The following DNAH1 variants were observed in gnomAD, a reference collection of about 807,000 sequenced individuals.
DNAH1 encodes the protein dynein axonemal heavy chain 1, also known as axonemal beta dynein heavy chain 1.
A neutral mutation model predicts 484.3 loss-of-function variants in DNAH1; 327 were observed. The ratio of observed to expected loss-of-function variants is 0.68; its 90% CI spans 0.62 to 0.74. The LOEUF is 0.74. DNAH1 is among the 30% of genes least tolerant of loss of function. The pLI is 0.00. For synonymous variants in DNAH1, 2,192 were observed against 2,191.9 expected, an observed-to-expected ratio of 1.00 and a Z score of 0.00; for missense variants, 5,052 against 5,546.8, an observed-to-expected ratio of 0.91 and a Z score of 2.83.
At chr3:52,328,977 C>T (rs991654202) in intron 6 of DNAH1, among the ~76,000 whole-genome samples, 3 of 152,228 alleles carry the variant, frequency 2.0e-5, no homozygotes, top group Admixed American at 6.5e-5. Context: ...GTCCATTGAG[C>T]AGGCTGTAAA....
At position 52,379,799 on chromosome 3, in the gene DNAH1, A is replaced by G. The variant is rs554907337; in HGVS notation, c.7378-106A>G. On this transcript the variant is annotated intron_variant, in intron 47 of 77. Coordinates refer to ENST00000420323, the MANE Select transcript of DNAH1 (RefSeq NM_015512.5). This position sits in a 1 kb window ranked among gnomAD's most constrained non-coding sequence, Gnocchi z 4.4. ...GGCCATGGTGGGAGAGCCAGGCTCC[A>G]GTCAGGGCCCCAGGAACTGGGGCCC... The G allele has an allele frequency of 1.1e-5, 11 of 980,438 alleles. No individual in the cohort carries two copies. The highest frequency in any genetic ancestry group is 1.7e-5 in the South Asian group (1 of 58,388). The allele number at this position is 980,438 out of a possible 1,614,324, so 60.7% of individuals were successfully genotyped here.
At position 52,350,103 on chromosome 3, in the gene DNAH1, C is replaced by G; in HGVS notation, c.2641C>G (p.Leu881Val). 6.2e-7 allele frequency: 1 copy of G among 1,611,120 alleles called. No homozygotes were observed. Among genetic ancestry groups the G allele is most frequent in the Non-Finnish European group, 8.5e-7 (1 of 1,179,304 alleles). ...GGGCATCCCGGAGAGGCTGGTGGGCCTGGAGGTGAGGCAGGCACACGGGCA... is the reference window on the plus strand; with the variant it reads ...GGGCATCCCGGAGAGGCTGGTGGGCGTGGAGGTGAGGCAGGCACACGGGCA... ...MKGIPERLVG[L>V]EERIVKVMDD... The change falls in exon 15 of 78, where the codon CTG becomes GTG. Residue 881 changes from leucine (L) to valine (V), a missense_variant. Transcript: ENST00000420323.
At chr3:52,375,106 TA>T (rs1703531059) in intron 44 of DNAH1, 133 bp from the exon 45 acceptor site, 2 of 1,066,706 alleles carry the variant, frequency 1.9e-6, no homozygotes, top group South Asian at 3.6e-5. Context: ...TTTTCCTGTG[TA>T]ATATTGATGT....
Position 52,369,863 on chromosome 3 carries a change from G to A in DNAH1, c.5982G>A (p.Val1994=), listed in dbSNP as rs766034921. 3.2e-5 allele frequency: 51 copies of A among 1,612,808 alleles called. No homozygotes were observed. Among genetic ancestry groups the A allele is most frequent in the Non-Finnish European group, 3.9e-5 (46 of 1,179,102 alleles). The change falls in exon 38 of 78, where the codon GTG becomes GTA. Residue 1994 remains valine, a synonymous_variant. Coordinates refer to ENST00000420323, the MANE Select transcript of DNAH1 (RefSeq NM_015512.5). ...TMMFEVQDLA[V]ASPATVSRCG... ...TGTTCGAGGTGCAAGACCTGGCGGT[G>A]GCTTCACCAGCTACAGTCTCCCGCT...
chr3:52,345,126 G>C (rs1702092307), intron 9 of DNAH1, among the ~76,000 whole-genome samples: 1 of 152,214 alleles, frequency 6.6e-6, no homozygotes, highest in Non-Finnish European at 1.5e-5. Flanking sequence ...GGCATTCCAA[G>C]AGGTTCTGGT....
chr3:52,374,023 G>A lies in DNAH1; in HGVS notation c.6985+970G>A, dbSNP rs184020562. On this transcript the variant is annotated intron_variant, in intron 44 of 77. Coordinates refer to ENST00000420323, the MANE Select transcript of DNAH1 (RefSeq NM_015512.5). ...CTGCAGATTTCCAATCTAATATAGC[G>A]AAGAAATATATTGATCAGAAGTTTG... 2.2e-4 allele frequency: 225 copies of A among 1,026,036 alleles called. No individual in the cohort carries two copies. In the African/African-American group the frequency reaches 2.5e-3, roughly 11 times the overall value. 63.6% of individuals were successfully genotyped at this position (1,026,036 alleles called of 1,614,324 possible).
At position 52,395,344 on chromosome 3, in the gene DNAH1, T is replaced by G. The variant is rs1472552080; in HGVS notation, c.11005T>G (p.Ser3669Ala). 1.2e-6 allele frequency: 2 copies of G among 1,613,744 alleles called. No homozygotes were observed. The highest frequency in any genetic ancestry group is 4.5e-5 in the East Asian group (2 of 44,880). Residue 3669 changes from serine to alanine, a missense_variant, in exon 69 of 78, where the codon TCC becomes GCC. Around this residue, in one of 4 missense-constraint regions of DNAH1, gnomAD observed 853 missense variants for 899.0 expected, o/e 0.95. Transcript: ENST00000420323. This position sits in a 1 kb window ranked among gnomAD's most constrained non-coding sequence, Gnocchi z 4.4. ...NLSVVFKDSN[S>A]TTPLIFVLSP... ...GTCAGTGGTGTTCAAAGACTCCAAC[T>G]CCACCACACCCCTCATCTTTGTGCT...
At chr3:52,356,223 CAG>C (rs1385040867) in intron 21 of DNAH1, among the ~76,000 whole-genome samples, 1 of 152,228 alleles carries the variant, frequency 6.6e-6, no homozygotes, top group Non-Finnish European at 1.5e-5. Context: ...CATTGAATCT[CAG>C]AGAATCCTGG....
Position 52,384,861 on chromosome 3 carries a change from A to C in DNAH1, c.8398A>C (p.Asn2800His), listed in dbSNP as rs1417883752. 1 of 1,612,690 alleles carries C rather than the reference A, an allele frequency of 6.2e-7. No individual in the cohort carries two copies. Among genetic ancestry groups the C allele is most frequent in the Non-Finnish European group, 8.5e-7 (1 of 1,179,376 alleles). Residue 2800 changes from asparagine (N) to histidine (H), a missense_variant, in exon 53 of 78, where the codon AAC (asparagine) becomes CAC (histidine). By Grantham distance (68) the Asn-to-His change is moderately conservative. Coordinates refer to ENST00000420323, the MANE Select transcript of DNAH1 (RefSeq NM_015512.5). The stretch of plus-strand genomic sequence containing the variant: ...GTACCTGGCAGAGCTGACCCGCCAC[A>C]ACTATGTGACCCCCAAGAGCTACTT... ...IEYLAELTRH[N>H]YVTPKSYLEL...
chr3:52,359,981 G>A lies in DNAH1; in HGVS notation c.4473G>A (p.Ala1491=), dbSNP rs1015046493. ...GCATGCAGCGGGCAGTGCTGTCAGC[G>A]CTAATCGTCATTGAGGTCCATGCCA... ...LSRMQRAVLS[A]LIVIEVHAKD... The change falls in exon 27 of 78, where the codon GCG becomes GCA. Residue 1491 remains alanine (A), a synonymous_variant. Transcript: ENST00000420323. The A allele has an allele frequency of 5.0e-6, 8 of 1,613,806 alleles. No homozygotes were observed. The highest frequency in any genetic ancestry group is 1.3e-5 in the African/African-American group (1 of 74,938).
chr3:52,324,832 C>T (rs1454796982), intron 3 of DNAH1, among the ~76,000 whole-genome samples: 2 of 152,130 alleles, frequency 1.3e-5, no homozygotes, highest in Non-Finnish European at 2.9e-5. Flanking sequence ...GATGGCAGCT[C>T]TACCCACATG....
chr3:52,396,954 G>A lies in DNAH1; in HGVS notation c.11697G>A (p.Glu3899=). The change falls in exon 73 of 78, where the codon GAG becomes GAA. Residue 3899 remains glutamate, a synonymous_variant. Transcript: ENST00000420323. ...WDRRCIMNIL[E]DFYNPDVLSP... ...GGCGCTGCATCATGAACATCTTGGA[G>A]GACTTCTACAACCCTGACGTGCTCT... is the stretch of plus-strand genomic sequence containing the variant. The A allele has an allele frequency of 6.2e-7, 1 of 1,613,456 alleles. No homozygotes were observed. Among genetic ancestry groups the A allele is most frequent in the Non-Finnish European group, 8.5e-7 (1 of 1,179,816 alleles).
intron 1 of DNAH1, among the ~76,000 whole-genome samples, chr3:52,320,777 C>A (rs1455912525): frequency 3.4e-5 from 5 of 148,414 alleles, no homozygotes; most frequent in Non-Finnish European, 7.5e-5. Flanking sequence ...CATTAAGATG[C>A]TTTCCTTTTC....
rs199630660 is a variant in DNAH1 at position 52,395,342 on chromosome 3, A to G, written c.11003A>G (p.Asn3668Ser). Residue 3668 changes from asparagine (N) to serine (S), a missense_variant, in exon 69 of 78, where the codon AAC (asparagine) becomes AGC (serine). Around this residue, in one of 4 missense-constraint regions of DNAH1, gnomAD observed 853 missense variants for 899.0 expected, o/e 0.95. Coordinates refer to ENST00000420323, the MANE Select transcript of DNAH1 (RefSeq NM_015512.5). This position sits in a 1 kb window ranked among gnomAD's most constrained non-coding sequence, Gnocchi z 4.4. Reference protein sequence around the residue: ...ANLSVVFKDSNSTTPLIFVLS... With the variant: ...ANLSVVFKDSSSTTPLIFVLS... ...CTGTCAGTGGTGTTCAAAGACTCCA[A>G]CTCCACCACACCCCTCATCTTTGTG... 1.6e-4 allele frequency: 254 copies of G among 1,613,390 alleles called. No individual in the cohort carries two copies. The African/African-American group carries it at 3.0e-3, about 19-fold the overall frequency.
At position 52,357,690 on chromosome 3, in the gene DNAH1, A is replaced by C. The variant is rs1471300700; in HGVS notation, c.3935A>C (p.Lys1312Thr). The change falls in exon 23 of 78, where the codon AAG becomes ACG. Residue 1312 changes from lysine to threonine, a missense_variant. By Grantham distance (78) the Lys-to-Thr change is moderately conservative (BLOSUM62 -1). This residue lies in a region of DNAH1 where 2,929 missense variants were observed against 3,409.4 expected (regional missense o/e 0.86). Transcript: ENST00000420323. ...AACAAGATTCTGGACCTGGTGCAGA[A>C]GGGCCTCAGCGAGTATCTGGAGACC... ...DCNKILDLVQ[K>T]GLSEYLETKR... 3 of 1,591,170 alleles carry C rather than the reference A, an allele frequency of 1.9e-6. No individual in the cohort carries two copies. In the East Asian group the frequency reaches 6.8e-5, roughly 36 times the overall value.
chr3:52,370,315 T>G, intron 39 of DNAH1, 86 bp downstream of exon 39: 1 of 1,563,210 alleles, frequency 6.4e-7, no homozygotes, highest in Non-Finnish European at 8.7e-7. Flanking sequence ...AAGAGAGAAT[T>G]GGATTGGTGC....
At chr3:52,386,098 G>T in intron 54 of DNAH1, 62 bp from the exon 55 acceptor site, 2 of 1,524,828 alleles carry the variant, frequency 1.3e-6, no homozygotes, top group East Asian at 2.4e-5. Context: ...CTTCCATCTG[G>T]GGAGACTAAG....
chr3:52,370,884 C>A, intron 41 of DNAH1, 59 bp downstream of exon 41: 1 of 1,511,064 alleles, frequency 6.6e-7, no homozygotes. Flanking sequence ...GGCTGCTGTT[C>A]CCGCAATGAA....
chr3:52,336,215 G>T (rs1372343648), intron 8 of DNAH1, among the ~76,000 whole-genome samples: 1 of 152,112 alleles, frequency 6.6e-6, no homozygotes, highest in African/African-American at 2.4e-5. Flanking sequence ...TGATTCCTAG[G>T]TTTTCTTCTA....
Sources: allele counts gnomAD v4.1 joint callset (sites outside exome capture counted in the v4.1 genomes callset), GRCh38; gene constraint gnomAD v4.1.1; regional missense constraint gnomAD v4.1.1; non-coding constraint Gnocchi (gnomAD v3.1); transcripts MANE v1.5; gene names NCBI Gene and HGNC (gene_info 2026-07-23, HGNC 2026-07-21).